TENM4: variants seen among roughly 807,000 people sequenced by gnomAD.
TENM4 encodes teneurin transmembrane protein 4, also known as teneurin-4.
Under a neutral mutation model 243.3 loss-of-function variants are expected in TENM4, and 82 were observed. That is an observed-to-expected ratio of 0.34 (90% CI 0.28 to 0.40). TENM4 has a LOEUF of 0.40. TENM4 is among the 10% of genes least tolerant of loss of function. The pLI is 1.00. For missense variants in TENM4, 3,138 were observed against 3,673.3 expected (o/e 0.85, Z 3.77); for synonymous variants, 1,412 against 1,456.3 (o/e 0.97, Z 0.69).
intron 25 of TENM4, among the ~76,000 whole-genome samples, chr11:78,719,462 T>C (rs1859596148): frequency 6.6e-6 from 1 of 152,220 alleles, no homozygotes; most frequent in South Asian, 2.1e-4. Context: ...GCTACTTCAA[T>C]TGAAAGAGAT....
At chr11:79,308,021 A>G (rs1856655432) in intron 1 of TENM4, among the ~76,000 whole-genome samples, 1 of 152,360 alleles carries the variant, frequency 6.6e-6, no homozygotes, top group East Asian at 1.9e-4. Context: ...CTGAATGCCA[A>G]CAAGGCTGCA....
chr11:78,726,299 C>T, intron 22 of TENM4, 77 bp from the exon 23 acceptor site: 17 of 1,491,576 alleles, frequency 1.1e-5, no homozygotes, highest in Non-Finnish European at 1.5e-5. Context: ...TAGGCAAGGC[C>T]CCTGGCTTAT....
chr11:78,668,144 A>G (rs1858205756), intron 32 of TENM4, among the ~76,000 whole-genome samples: 1 of 151,940 alleles, frequency 6.6e-6, no homozygotes, highest in Admixed American at 6.6e-5. Context: ...CCTTGCAACC[A>G]CCCTACCAGG....
chr11:78,996,528 G>T (rs1858176103), intron 6 of TENM4, among the ~76,000 whole-genome samples: 1 of 152,102 alleles, frequency 6.6e-6, no homozygotes, highest in African/African-American at 2.4e-5. Context: ...AATAACACAT[G>T]GTTGTTATTT....
At chr11:78,663,552 C>A (rs1156515702) in intron 32 of TENM4, among the ~76,000 whole-genome samples, 1 of 152,140 alleles carries the variant, frequency 6.6e-6, no homozygotes, top group African/African-American at 2.4e-5. Context: ...CTCTTGCTAC[C>A]TCTCTTGCCA....
intron 2 of TENM4, among the ~76,000 whole-genome samples, chr11:79,232,735 G>A (rs926571384): frequency 1.3e-5 from 2 of 152,238 alleles, no homozygotes; most frequent in Non-Finnish European, 2.9e-5. Flanking sequence ...TGGGTGAGCA[G>A]TGTCTGGGAG....
At chr11:79,404,741 C>T (rs553113050) in intron 1 of TENM4, among the ~76,000 whole-genome samples, 2 of 152,240 alleles carry the variant, frequency 1.3e-5, no homozygotes, top group African/African-American at 4.8e-5. Flanking sequence ...AACATACCCA[C>T]CTGCTCAACA....
At chr11:79,108,694 C>T (rs1861432505) in intron 4 of TENM4, among the ~76,000 whole-genome samples, 1 of 152,080 alleles carries the variant, frequency 6.6e-6, no homozygotes, top group African/African-American at 2.4e-5. Flanking sequence ...GTAGTATTAA[C>T]ATTTGTAATT....
intron 2 of TENM4, among the ~76,000 whole-genome samples, chr11:79,254,712 T>C (rs370959038): frequency 2.2e-4 from 33 of 152,314 alleles, no homozygotes; most frequent in South Asian, 1.7e-3. Flanking sequence ...TAATATTATA[T>C]AATGTGTTCA....
intron 26 of TENM4, among the ~76,000 whole-genome samples, chr11:78,709,860 AG>A (rs1859355780): frequency 6.6e-6 from 1 of 152,206 alleles, no homozygotes; most frequent in Admixed American, 6.5e-5. Flanking sequence ...GTGCTTTAAT[AG>A]TGTACATGGG....
At chr11:78,739,376 A>C (rs1330387111) in intron 19 of TENM4, among the ~76,000 whole-genome samples, 1 of 152,136 alleles carries the variant, frequency 6.6e-6, no homozygotes, top group Non-Finnish European at 1.5e-5. Context: ...TCTTCCTTGA[A>C]GCCTTTCTTG....
chr11:78,991,196 C>T (rs1858036214), intron 6 of TENM4, among the ~76,000 whole-genome samples: 1 of 152,040 alleles, frequency 6.6e-6, no homozygotes, highest in Non-Finnish European at 1.5e-5. Flanking sequence ...ACTGTCCTGC[C>T]CAAAATCCCA....
chr11:78,769,381 T>A (rs1856604374), intron 18 of TENM4, among the ~76,000 whole-genome samples: 1 of 152,160 alleles, frequency 6.6e-6, no homozygotes, highest in African/African-American at 2.4e-5. Flanking sequence ...CCGCTACCCA[T>A]CCAAGTGTCA....
rs1860200169 is a variant in TENM4 at position 79,064,848 on chromosome 11, G to T, written c.383C>A (p.Pro128His). 2 of 1,551,448 alleles carry T rather than the reference G, an allele frequency of 1.3e-6. No individual in the cohort carries two copies. Among genetic ancestry groups the T allele is most frequent in the Non-Finnish European group, 1.7e-6 (2 of 1,146,992 alleles). ...TGTGCTCCGGCCCCACAGACGCACG[G>T]GGTGCTCAGGGGACAGCACCGTGTC... ...EADTVLSPEH[P>H]VRLWGRSTRS... The change falls in exon 6 of 34, where the codon CCC becomes CAC. Residue 128 changes from proline to histidine, a missense_variant. Physicochemically the swap from Pro to His is moderately conservative, Grantham distance 77 (BLOSUM62 -2). Coordinates refer to ENST00000278550, the MANE Select transcript of TENM4 (RefSeq NM_001098816.3).
chr11:78,803,703 C>A (rs757396074), intron 15 of TENM4, among the ~76,000 whole-genome samples: 1 of 152,186 alleles, frequency 6.6e-6, no homozygotes, highest in Admixed American at 6.5e-5. Flanking sequence ...CAAAGTTATA[C>A]GTACCTCCTC....
At chr11:79,196,945 T>C (rs1295457471) in intron 3 of TENM4, among the ~76,000 whole-genome samples, 5 of 152,196 alleles carry the variant, frequency 3.3e-5, no homozygotes, top group Admixed American at 1.3e-4. Context: ...GCAAGGCTTA[T>C]GGATGCGTGT....
At chr11:79,317,165 A>G (rs566160487) in intron 1 of TENM4, among the ~76,000 whole-genome samples, 35 of 152,374 alleles carry the variant, frequency 2.3e-4, no homozygotes, top group African/African-American at 7.7e-4. Flanking sequence ...GAAATTCTCC[A>G]TAGAGGGAAT....
intron 7 of TENM4, among the ~76,000 whole-genome samples, chr11:78,898,743 T>G (rs1183996409): frequency 2.0e-4 from 30 of 152,198 alleles, no homozygotes; most frequent in Non-Finnish European, 1.5e-5. Flanking sequence ...GGAAGCCCTG[T>G]GTTGTGTGCT....
At chr11:79,002,645 C>T (rs1353263813) in intron 6 of TENM4, among the ~76,000 whole-genome samples, 4 of 152,154 alleles carry the variant, frequency 2.6e-5, no homozygotes, top group Non-Finnish European at 4.4e-5. Context: ...ATCAAAAAAA[C>T]CCATTGGAAG....
Sources: gnomAD v4.1 joint callset for allele counts (sites outside exome capture counted in the v4.1 genomes callset) on GRCh38, gnomAD v4.1.1 for gene constraint, MANE v1.5 for transcripts, NCBI Gene and HGNC (gene_info 2026-07-23, HGNC 2026-07-21) for gene names.